Variants in PRSS2 observed in about 807,000 individuals in gnomAD.
PRSS2 encodes the protein serine protease 2, also known as trypsin-2.
Under a neutral mutation model 19.2 loss-of-function variants are expected in PRSS2, and 19 were observed. The observed-to-expected ratio is 0.99, with a 90% CI of 0.69 to 1.45. PRSS2 has a LOEUF of 1.45. Ranked by LOEUF, PRSS2 falls within the 40% of genes most tolerant of loss-of-function variation. The probability of loss-of-function intolerance (pLI) is 0.00; values close to 1 mark genes in which losing one functional copy is unlikely to be tolerated. For synonymous variants in PRSS2, 107 were observed against 117.5 expected (o/e 0.91, Z 0.58); for missense variants, 288 against 294.4 (o/e 0.98, Z 0.16).
chr7:142,774,472 G>A lies in PRSS2; in HGVS notation c.708G>A (p.Val236=), dbSNP rs1554507381. ...PGVYTKVYNY[V]DWIKDTIAAN... Reference sequence around the variant, plus strand: ...TCTACACCAAGGTCTACAACTATGTGGACTGGATTAAGGACACCATAGCTG... The same window carrying A: ...TCTACACCAAGGTCTACAACTATGTAGACTGGATTAAGGACACCATAGCTG... Residue 236 remains valine, a synonymous_variant, in exon 5 of 5, where the codon GTG becomes GTA. Coordinates refer to ENST00000539842, the MANE Select transcript of PRSS2 (RefSeq NM_002770.4). 2 of 1,610,810 alleles carry A rather than the reference G, an allele frequency of 1.2e-6. No individual in the cohort carries two copies. The highest frequency in any genetic ancestry group is 1.7e-5 in the Admixed American group (1 of 60,026).
intron 1 of PRSS2, 124 bp from the exon 2 acceptor site, chr7:142,771,925 C>T: frequency 2.1e-6 from 3 of 1,447,280 alleles, no homozygotes; most frequent in South Asian, 2.3e-5. Context: ...GGCAGCGCTC[C>T]CCCCCTTGCC....
At chr7:142,773,799 C>G in intron 3 of PRSS2, 120 bp from the exon 4 acceptor site, 1 of 1,424,808 alleles carries the variant, frequency 7.0e-7, no homozygotes. Flanking sequence ...CTTGCCAGGA[C>G]TTATGTTTTG....
chr7:142,772,932 T>C (rs888914322), intron 2 of PRSS2, among the ~76,000 whole-genome samples: 6 of 152,130 alleles, frequency 3.9e-5, no homozygotes, highest in African/African-American at 1.4e-4. Context: ...GAGTGAAGAA[T>C]GTTGGGAAAA....
At chr7:142,773,572 C>A in intron 3 of PRSS2, 53 bp downstream of exon 3, 1 of 1,318,090 alleles carries the variant, frequency 7.6e-7, no homozygotes, top group South Asian at 1.2e-5. Context: ...ATTTCCAGAA[C>A]AAACCATGCC....
chr7:142,774,056 G>C lies in PRSS2; in HGVS notation c.591+1G>C. 1 of 1,590,180 alleles carries C rather than the reference G, an allele frequency of 6.3e-7. No individual in the cohort carries two copies. The highest frequency in any genetic ancestry group is 8.6e-7 in the Non-Finnish European group (1 of 1,158,372). ...CGAGGGAGGCAAGGATTCCTGCCAG[G>C]TGATTTGACCCCTTCCCATGCTGAG... On this transcript the variant is annotated splice_donor_variant, in intron 4 of 4. Coordinates refer to ENST00000539842, the MANE Select transcript of PRSS2 (RefSeq NM_002770.4). LOFTEE classifies it high-confidence loss of function.
intron 1 of PRSS2, 148 bp from the exon 2 acceptor site, chr7:142,771,901 T>G (rs886457850): frequency 3.1e-6 from 4 of 1,274,290 alleles, no homozygotes; most frequent in Non-Finnish European, 4.6e-6. Flanking sequence ...CATCCAGTGA[T>G]GATCACCAGG....
Position 142,773,371 on chromosome 7 carries a change from G to A in PRSS2, c.306G>A (p.Arg102=), listed in dbSNP as rs767420375. Residue 102 remains arginine, a synonymous_variant, in exon 3 of 5, where the codon CGG becomes CGA. Transcript: ENST00000539842. ...TCCGCCACCCCAAATACAACAGCCG[G>A]ACTCTGGACAATGACATCCTGCTGA... is the stretch of plus-strand genomic sequence containing the variant. The part of the protein sequence containing the change: ...KIIRHPKYNS[R]TLDNDILLIK... 1 of 1,443,044 alleles carries A rather than the reference G, an allele frequency of 6.9e-7. No homozygotes were observed. The highest frequency in any genetic ancestry group is 9.5e-7 in the Non-Finnish European group (1 of 1,054,372). The allele number at this position is 1,443,044 out of a possible 1,614,324, so 89.4% of individuals were successfully genotyped here.
At position 142,773,436 on chromosome 7, in the gene PRSS2, C is replaced by T. The variant is rs1586044776; in HGVS notation, c.371C>T (p.Ser124Phe). ...CCTGCCGTCATCAATTCCCGCGTGT[C>T]CGCCATCTCTCTGCCCACTGCCCCT... ...SSPAVINSRV[S>F]AISLPTAPPA... Residue 124 changes from serine (S) to phenylalanine (F), a missense_variant, in exon 3 of 5, where the codon TCC (serine) becomes TTC (phenylalanine). Coordinates refer to ENST00000539842, the MANE Select transcript of PRSS2 (RefSeq NM_002770.4). 1 of 1,601,200 alleles carries T rather than the reference C, an allele frequency of 6.2e-7. No homozygotes were observed. Among genetic ancestry groups the T allele is most frequent in the South Asian group, 1.1e-5 (1 of 90,560 alleles).
chr7:142,773,527 G>A lies in PRSS2; in HGVS notation c.454+8G>A, dbSNP rs1487898552. On this transcript the variant is annotated splice_region_variant and intron_variant, in intron 3 of 4. Transcript: ENST00000539842. ...ACACTCTGAGTTCTGGTGGTGAGTG[G>A]GACCCTTTGTCCTTCTACTTCCCTC... 1.3e-6 allele frequency: 2 copies of A among 1,571,728 alleles called. No homozygotes were observed. The highest frequency in any genetic ancestry group is 1.7e-5 in the Admixed American group (1 of 59,950).
chr7:142,774,108 A>G (rs1454736247), intron 4 of PRSS2, 53 bp downstream of exon 4: 1 of 1,350,054 alleles, frequency 7.4e-7, no homozygotes, highest in Non-Finnish European at 1.0e-6. Flanking sequence ...AGGCCCCACC[A>G]GGGAAAATGA....
At position 142,771,003 on chromosome 7, in the gene PRSS2, TA is replaced by T. The variant is rs1799824304; in HGVS notation, c.22del (p.Thr8ProfsTer34). 1 of 628,070 alleles carries T rather than the reference TA, an allele frequency of 1.6e-6. No individual in the cohort carries two copies. Among genetic ancestry groups the T allele is most frequent in the Non-Finnish European group, 2.9e-6 (1 of 341,916 alleles). The allele number at this position is 628,070 out of a possible 1,614,324, so 38.9% of individuals were successfully genotyped here. On this transcript the variant is annotated frameshift_variant, in exon 1 of 5. Coordinates refer to ENST00000539842, the MANE Select transcript of PRSS2 (RefSeq NM_002770.4). LOFTEE classifies it high-confidence loss of function. ...CCACCATGAATCTACTTCTGATCCT[TA>T]CCTTTGTTGCAGCTGCTGGTGAGTT... The part of the protein sequence containing the change: MNLLLIL[T>X]FVAAAVAAPF...
Position 142,771,075 on chromosome 7 carries a change from A to G in PRSS2, c.40+53A>G, listed in dbSNP as rs1314759820. 2.3e-5 allele frequency: 13 copies of G among 555,882 alleles called. No homozygotes were observed. The South Asian group carries it at 3.9e-4, about 17-fold the overall frequency. 34.4% of individuals were successfully genotyped at this position (555,882 alleles called of 1,614,324 possible). On this transcript the variant is annotated intron_variant, in intron 1 of 4. Coordinates refer to ENST00000539842, the MANE Select transcript of PRSS2 (RefSeq NM_002770.4). ...CAACCAACCCTTCCCTGGCAGACAC[A>G]TGCCCTGCCATTCTTGCCACCTCTC...
rs1314514178 is a variant in PRSS2 at position 142,774,552 on chromosome 7, T to G, written c.*44T>G. ...AGTCTCTATACCAATAAAGTGACCC[T>G]GCTCTCACTGTCTGTGTCTGTGCCT... On this transcript the variant is annotated 3_prime_UTR_variant, in exon 5 of 5. Transcript: ENST00000539842. 3.2e-6 allele frequency: 5 copies of G among 1,567,456 alleles called. No homozygotes were observed. Among genetic ancestry groups the G allele is most frequent in the Non-Finnish European group, 4.4e-6 (5 of 1,139,120 alleles).
At chr7:142,772,484 AC>A in intron 2 of PRSS2, 1 of 662,582 alleles carries the variant, frequency 1.5e-6, no homozygotes, top group East Asian at 2.7e-5. Context: ...GCAGGCTAGT[AC>A]TTTTGCTGGT....
At position 142,772,381 on chromosome 7, in the gene PRSS2, C is replaced by A. The variant is rs1023704909; in HGVS notation, c.200+173C>A. ...CAGAGAGTGAACACAAGACAGGAAGCCCTCACACCCAGGCAAATCCATGAA... is the reference window on the plus strand; with the variant it reads ...CAGAGAGTGAACACAAGACAGGAAGACCTCACACCCAGGCAAATCCATGAA... On this transcript the variant is annotated intron_variant, in intron 2 of 4. Coordinates refer to ENST00000539842, the MANE Select transcript of PRSS2 (RefSeq NM_002770.4). 109 of 1,036,128 alleles carry A rather than the reference C, an allele frequency of 1.1e-4. 1 individual carries two copies. In the East Asian group the frequency reaches 2.7e-3, roughly 25 times the overall value. 64.2% of individuals were successfully genotyped at this position (1,036,128 alleles called of 1,614,324 possible). A position where few individuals can be genotyped will look rare whatever the true frequency, so the allele number is the denominator to read the frequency against.
chr7:142,772,498 G>C (rs1583110925), intron 2 of PRSS2: 1 of 695,804 alleles, frequency 1.4e-6, no homozygotes, highest in Non-Finnish European at 2.6e-6. Context: ...TTGCTGGTTA[G>C]CTACACATTA....
Position 142,774,385 on chromosome 7 carries a change from T to G in PRSS2, c.621T>G (p.Asn207Lys). ...ATTCTGGTGGCCCTGTGGTCTCCAA[T>G]GGAGAGCTCCAAGGAATTGTCTCCT... ...QGDSGGPVVS[N>K]GELQGIVSWG... Residue 207 changes from asparagine (N) to lysine (K), a missense_variant, in exon 5 of 5, where the codon AAT becomes AAG. Asn to Lys is a moderately conservative substitution (Grantham distance 94). Coordinates refer to ENST00000539842, the MANE Select transcript of PRSS2 (RefSeq NM_002770.4). 6.7e-7 allele frequency: 1 copy of G among 1,497,116 alleles called. No individual in the cohort carries two copies. Among genetic ancestry groups the G allele is most frequent in the Middle Eastern group, 1.7e-4 (1 of 5,816 alleles). 92.7% of individuals were successfully genotyped at this position (1,497,116 alleles called of 1,614,324 possible). A position where few individuals can be genotyped will look rare whatever the true frequency, so the allele number is the denominator to read the frequency against.
In PRSS2 at chr7:142,773,268, G is replaced by T. The variant is rs373488751; in HGVS notation, c.203G>T (p.Arg68Leu). 3 of 1,588,432 alleles carry T rather than the reference G, an allele frequency of 1.9e-6. No homozygotes were observed. Among genetic ancestry groups the T allele is most frequent in the South Asian group, 1.1e-5 (1 of 89,916 alleles). The part of the protein sequence containing the change: ...VVSAGHCYKS[R>L]IQVRLGEHNI... ...ACCATGCCTGCCCTGCCCATCAGCC[G>T]CATCCAGGTGAGACTGGGAGAGCAC... is the stretch of plus-strand genomic sequence containing the variant. Residue 68 changes from arginine to leucine, a missense_variant and splice_region_variant, in exon 3 of 5, where the codon CGC (arginine) becomes CTC (leucine). Transcript: ENST00000539842.
Position 142,773,243 on chromosome 7 carries a change from ACCATGCCTG to A in PRSS2, c.201-20_201-12del. Reference sequence around the variant, plus strand: ...GCCCTGGCTGTGGGAGAAGGTCTTCACCATGCCTGCCCTGCCCATCAGCCGCATCCAGGT... The same window carrying A: ...GCCCTGGCTGTGGGAGAAGGTCTTCACCCTGCCCATCAGCCGCATCCAGGT... On this transcript the variant is annotated splice_polypyrimidine_tract_variant and intron_variant, in intron 2 of 4. Transcript: ENST00000539842. 6.2e-7 allele frequency: 1 copy of A among 1,614,220 alleles called. No homozygotes were observed. The highest frequency in any genetic ancestry group is 1.1e-5 in the South Asian group (1 of 91,076).
Sources: allele counts gnomAD v4.1 joint callset (sites outside exome capture counted in the v4.1 genomes callset), GRCh38; gene constraint gnomAD v4.1.1; transcripts MANE v1.5; gene names NCBI Gene and HGNC (gene_info 2026-07-23, HGNC 2026-07-21).